The following ZMAT4 variants were observed in gnomAD, a reference collection of about 807,000 sequenced individuals.
ZMAT4 encodes the protein zinc finger matrin-type 4, also known as zinc finger matrin-type protein 4.
ZMAT4 carries 17 observed loss-of-function variants against 28.7 expected under a neutral mutation model. The observed-to-expected ratio is 0.59, with a 90% CI of 0.41 to 0.89. ZMAT4 has a LOEUF of 0.89. Among genes scored for constraint, ZMAT4 ranks in the 40% least tolerant of loss-of-function variants. The pLI, the probability that ZMAT4 is intolerant of heterozygous loss-of-function variation, is 0.00. For missense variants in ZMAT4, 240 were observed against 283.8 expected (o/e 0.85, Z 1.11); for synonymous variants, 117 against 109.2 (o/e 1.07, Z -0.44).
intron 2 of ZMAT4, among the ~76,000 whole-genome samples, chr8:40,806,794 T>C (rs12675440): frequency 0.53 from 80,556 of 151,746 alleles, 21,620 homozygotes; most frequent in Middle Eastern, 0.62. Context: ...TGTGTTTTTT[T>C]AAAATCTAGA....
rs34726845 is a variant in ZMAT4 at position 40,807,138 on chromosome 8, C to CAAAAA, written c.102+18432_102+18436dup. On this transcript the variant is annotated intron_variant, in intron 2 of 6. Coordinates refer to ENST00000297737, the MANE Select transcript of ZMAT4 (RefSeq NM_024645.3). ...GCAGGGGGAGGTAGTGGGGTGAGGA[C>CAAAAA]AAAAAAAAAAAAAAAAAAGTCAGCC... Among the ~76,000 whole-genome samples, 7 of 90,236 alleles carry CAAAAA rather than the reference C, an allele frequency of 7.8e-5. 1 individual carries two copies. The highest frequency in any genetic ancestry group is 6.4e-5 in the Non-Finnish European group (3 of 46,850). The allele number at this position is 90,236 out of a possible 152,430, so 59.2% of individuals were successfully genotyped here.
intron 6 of ZMAT4, among the ~76,000 whole-genome samples, chr8:40,546,631 T>C (rs982436986): frequency 4.6e-5 from 7 of 152,190 alleles, no homozygotes; most frequent in African/African-American, 1.4e-4. Context: ...TACATTCCAA[T>C]GGTCCTCACA....
chr8:40,706,190 C>A (rs983634797), intron 3 of ZMAT4, among the ~76,000 whole-genome samples: 1 of 152,072 alleles, frequency 6.6e-6, no homozygotes, highest in African/African-American at 2.4e-5. Context: ...GTAGCTGGGA[C>A]TACAGAAATG....
In ZMAT4 at chr8:40,897,789, C is replaced by A. The variant is rs1258383082; in HGVS notation, c.-111G>T. 2.0e-5 allele frequency: 3 copies of A among 152,238 alleles called. No homozygotes were observed. The highest frequency in any genetic ancestry group is 4.8e-5 in the African/African-American group (2 of 41,456). The allele number at this position is 152,238 out of a possible 1,614,324, so 9.4% of individuals were successfully genotyped here. ...CACGCTGAGGATTACACGTTCCTGTCTCTGCGACCAGACCTTTCGGCAGCT... is the reference window on the plus strand; with the variant it reads ...CACGCTGAGGATTACACGTTCCTGTATCTGCGACCAGACCTTTCGGCAGCT... On this transcript the variant is annotated 5_prime_UTR_variant, in exon 1 of 7. Transcript: ENST00000297737.
At chr8:40,788,303 G>C (rs975062439) in intron 2 of ZMAT4, among the ~76,000 whole-genome samples, 1 of 152,130 alleles carries the variant, frequency 6.6e-6, no homozygotes, top group Admixed American at 6.5e-5. Context: ...AGAATAAATA[G>C]GCTGGGCACG....
At chr8:40,613,949 T>A (rs1221592976) in intron 5 of ZMAT4, among the ~76,000 whole-genome samples, 1 of 152,218 alleles carries the variant, frequency 6.6e-6, no homozygotes, top group Non-Finnish European at 1.5e-5. Flanking sequence ...AGAATGCCCC[T>A]GATTCCTCCC....
chr8:40,686,082 G>T (rs1809391236), intron 4 of ZMAT4, among the ~76,000 whole-genome samples: 1 of 152,124 alleles, frequency 6.6e-6, no homozygotes, highest in Admixed American at 6.6e-5. Flanking sequence ...CTATGTTCTG[G>T]CACTGTGCCC....
chr8:40,853,161 C>A (rs1817172058), intron 1 of ZMAT4, among the ~76,000 whole-genome samples: 1 of 152,198 alleles, frequency 6.6e-6, no homozygotes, highest in Non-Finnish European at 1.5e-5. Flanking sequence ...CCAAGACAAT[C>A]TTTGTACTTT....
chr8:40,549,222 A>T (rs1327676725), intron 6 of ZMAT4, among the ~76,000 whole-genome samples: 1 of 152,096 alleles, frequency 6.6e-6, no homozygotes, highest in East Asian at 1.9e-4. Flanking sequence ...AGCCTCCAGA[A>T]CCATGAGAGA....
chr8:40,718,609 C>T (rs1810953024), intron 3 of ZMAT4, among the ~76,000 whole-genome samples: 1 of 152,140 alleles, frequency 6.6e-6, no homozygotes, highest in Non-Finnish European at 1.5e-5. Context: ...GGGTAGGATT[C>T]TCTGGAGAAC....
chr8:40,859,330 G>C (rs777621649), intron 1 of ZMAT4, among the ~76,000 whole-genome samples: 22 of 152,140 alleles, frequency 1.4e-4, no homozygotes, highest in Non-Finnish European at 1.5e-5. Flanking sequence ...CAAAATGAAA[G>C]GCAATGCTCC....
intron 4 of ZMAT4, among the ~76,000 whole-genome samples, chr8:40,694,436 G>C (rs1012316284): frequency 1.3e-5 from 2 of 152,122 alleles, no homozygotes; most frequent in African/African-American, 4.8e-5. Context: ...GTGGTGTCCT[G>C]CCATGGTCTT....
chr8:40,609,201 A>G (rs2254577), intron 5 of ZMAT4, among the ~76,000 whole-genome samples: 116,903 of 152,172 alleles, frequency 0.77, 45,102 homozygotes, highest in East Asian at 0.97. Flanking sequence ...ACAAAAGCTT[A>G]TAAAATGTAA....
chr8:40,674,868 T>TA lies in ZMAT4; in HGVS notation c.412dup (p.Tyr138LeufsTer18). ...GTATCTGTCTGAATCTCTTCTTTGA[T>TA]AGGGAGATGCGACCACCGGAGCAGT... On this transcript the variant is annotated frameshift_variant, in exon 5 of 7. Coordinates refer to ENST00000297737, the MANE Select transcript of ZMAT4 (RefSeq NM_024645.3). LOFTEE classifies it high-confidence loss of function. The TA allele has an allele frequency of 6.2e-7, 1 of 1,613,462 alleles. No individual in the cohort carries two copies. The highest frequency in any genetic ancestry group is 8.5e-7 in the Non-Finnish European group (1 of 1,179,832).
At chr8:40,645,100 G>A (rs567562111) in intron 5 of ZMAT4, among the ~76,000 whole-genome samples, 75 of 152,244 alleles carry the variant, frequency 4.9e-4, no homozygotes, top group African/African-American at 1.7e-3. Flanking sequence ...AAGGAAATCT[G>A]AATAAACTAT....
chr8:40,785,188 C>G (rs946161532), intron 2 of ZMAT4, among the ~76,000 whole-genome samples: 6 of 152,236 alleles, frequency 3.9e-5, no homozygotes, highest in Non-Finnish European at 8.8e-5. Flanking sequence ...ATGTCTATTG[C>G]AAGACTGACC....
Position 40,697,287 on chromosome 8 carries a change from A to T in ZMAT4, c.307T>A (p.Leu103Ile). Residue 103 changes from leucine to isoleucine, a missense_variant, in exon 4 of 7, where the codon TTA becomes ATA. Leu to Ile is a conservative substitution (Grantham distance 5, BLOSUM62 2). Coordinates refer to ENST00000297737, the MANE Select transcript of ZMAT4 (RefSeq NM_024645.3). ...GTCTTCTCTCCTAGCAAGAGTTTTA[A>T]CCTCTTGGCGTGGATTTTGCCTTGA... ...HYQGKIHAKR[L>I]KLLLGEKTPL... 2 of 1,613,362 alleles carry T rather than the reference A, an allele frequency of 1.2e-6. No individual in the cohort carries two copies. The highest frequency in any genetic ancestry group is 2.2e-5 in the South Asian group (2 of 91,016).
chr8:40,672,857 T>A (rs1808737654), intron 5 of ZMAT4, among the ~76,000 whole-genome samples: 1 of 152,052 alleles, frequency 6.6e-6, no homozygotes, highest in South Asian at 2.1e-4. Flanking sequence ...ACATATGAAA[T>A]CCTCCATCAA....
intron 1 of ZMAT4, among the ~76,000 whole-genome samples, chr8:40,881,487 GAAAGAAAGAAAGAGGA>G (rs1563263507): frequency 2.2e-5 from 3 of 134,408 alleles, no homozygotes; most frequent in African/African-American, 8.5e-5. Context: ...AAGAAAGAAA[GAAAGAAAGAAAGAGGA>G]AGGAAGGAAG....
Sources: gnomAD v4.1 joint callset for allele counts (sites outside exome capture counted in the v4.1 genomes callset) on GRCh38, gnomAD v4.1.1 for gene constraint, MANE v1.5 for transcripts, NCBI Gene and HGNC (gene_info 2026-07-23, HGNC 2026-07-21) for gene names.